Variants in TPD52L1 observed in about 807,000 individuals in gnomAD.
TPD52L1 encodes the protein TPD52 like 1, also known as tumor protein D53.
Under a neutral mutation model 28.7 loss-of-function variants are expected in TPD52L1, and 18 were observed. The observed-to-expected ratio is 0.63, with a 90% CI of 0.43 to 0.93. The LOEUF (loss-of-function observed/expected upper bound fraction) is 0.93. Among genes scored for constraint, TPD52L1 ranks in the 40% least tolerant of loss-of-function variants. The pLI is 0.00. For missense variants in TPD52L1, 203 were observed against 254.8 expected (o/e 0.80, Z 1.39); for synonymous variants, 75 against 88.8 (o/e 0.84, Z 0.88).
intron 1 of TPD52L1, among the ~76,000 whole-genome samples, chr6:125,199,646 T>C (rs888212627): frequency 2.6e-5 from 4 of 151,972 alleles, no homozygotes; most frequent in Non-Finnish European, 5.9e-5. Context: ...GATTGCACCA[T>C]TGCACTCCAG....
intron 1 of TPD52L1, chr6:125,219,709 A>G (rs765172753): frequency 1.3e-4 from 38 of 303,880 alleles, no homozygotes; most frequent in Non-Finnish European, 2.2e-4. Context: ...TTACACAGGA[A>G]TCTCACATTA....
At chr6:125,219,899 A>G (rs1367382999) in intron 1 of TPD52L1, 179 bp from the exon 2 acceptor site, 5 of 651,280 alleles carry the variant, frequency 7.7e-6, no homozygotes, top group Non-Finnish European at 1.4e-5. Context: ...GCTTCTTGGT[A>G]TTCTTTGCTT....
chr6:125,178,000 T>A (rs1182852872), intron 1 of TPD52L1, among the ~76,000 whole-genome samples: 2 of 152,158 alleles, frequency 1.3e-5, no homozygotes, highest in African/African-American at 4.8e-5. Context: ...TACTTACAAA[T>A]TTAGTAACAT....
intron 1 of TPD52L1, among the ~76,000 whole-genome samples, chr6:125,161,950 C>T (rs112419771): frequency 6.6e-6 from 1 of 152,096 alleles, no homozygotes; most frequent in African/African-American, 2.4e-5. Flanking sequence ...CTGTGAGGTA[C>T]AATAAAGTGA....
chr6:125,191,662 C>A (rs1793052744), intron 1 of TPD52L1, among the ~76,000 whole-genome samples: 1 of 152,066 alleles, frequency 6.6e-6, no homozygotes, highest in African/African-American at 2.4e-5. Context: ...AGTGTAAGAC[C>A]AAATGAACTC....
intron 1 of TPD52L1, among the ~76,000 whole-genome samples, chr6:125,191,909 G>A (rs1056214214): frequency 1.3e-5 from 2 of 152,162 alleles, no homozygotes; most frequent in South Asian, 4.1e-4. Context: ...CTGTGTAATA[G>A]CATATGGACT....
At chr6:125,235,839 G>A (rs905850166) in intron 3 of TPD52L1, among the ~76,000 whole-genome samples, 4 of 152,182 alleles carry the variant, frequency 2.6e-5, no homozygotes, top group Non-Finnish European at 2.9e-5. Flanking sequence ...CTAGGAATTC[G>A]AGGCCAGCTT....
chr6:125,245,742 G>A (rs77833419), intron 3 of TPD52L1, among the ~76,000 whole-genome samples: 1,523 of 152,262 alleles, frequency 0.01, 26 homozygotes, highest in African/African-American at 0.035. Context: ...AGTTGGCGAG[G>A]CCAGTCTCAC....
intron 1 of TPD52L1, among the ~76,000 whole-genome samples, chr6:125,174,322 T>C (rs1021752937): frequency 2.0e-5 from 3 of 152,184 alleles, no homozygotes; most frequent in Non-Finnish European, 4.4e-5. Flanking sequence ...AGCAGTTAGG[T>C]GTCAAGTAAC....
chr6:125,171,867 G>T (rs2114779291), intron 1 of TPD52L1, among the ~76,000 whole-genome samples: 1 of 152,288 alleles, frequency 6.6e-6, no homozygotes, highest in East Asian at 1.9e-4. Flanking sequence ...GTGGTCATTT[G>T]TTATGCTGCA....
rs530028578 is a variant in TPD52L1, at chr6:125,248,913, A to G, written c.386+530A>G. ...TGTGAGTATGTTAAATATTTATTGC[A>G]CCTTCATTTTTAATGAATTTATCTC... On this transcript the variant is annotated intron_variant, in intron 4 of 6. Coordinates refer to ENST00000534000, the MANE Select transcript of TPD52L1 (RefSeq NM_003287.4). 1.3e-3 allele frequency among the ~76,000 whole-genome samples: 194 copies of G among 151,882 alleles called. 1 individual carries two copies. Among genetic ancestry groups the G allele is most frequent in the Admixed American group, 6.7e-3 (102 of 15,254 alleles).
rs1297735369 is a variant in TPD52L1, at chr6:125,216,537, A to G, written c.20-3541A>G. On this transcript the variant is annotated intron_variant, in intron 1 of 6. Coordinates refer to ENST00000534000, the MANE Select transcript of TPD52L1 (RefSeq NM_003287.4). Reference sequence around the variant, plus strand: ...AAATTCAGTATGTGTGTGTATATATATATATATATATATATATATATATAT... The same window carrying G: ...AAATTCAGTATGTGTGTGTATATATGTATATATATATATATATATATATAT... Among the ~76,000 whole-genome samples, 65 of 55,714 alleles carry G rather than the reference A, an allele frequency of 1.2e-3. 1 individual carries two copies. The South Asian group carries it at 0.019, about 16-fold the overall frequency. 36.6% of individuals were successfully genotyped at this position (55,714 alleles called of 152,430 possible).
chr6:125,188,269 C>A lies in TPD52L1; in HGVS notation c.20-31809C>A, dbSNP rs142827570. On this transcript the variant is annotated intron_variant, in intron 1 of 6. Coordinates refer to ENST00000534000, the MANE Select transcript of TPD52L1 (RefSeq NM_003287.4). ...AGCTTGTTATCCAAGTGGAAAGGCACATTTTTATCCTTCAGTGGATCTGTC... is the reference window on the plus strand; with the variant it reads ...AGCTTGTTATCCAAGTGGAAAGGCAAATTTTTATCCTTCAGTGGATCTGTC... Among the ~76,000 whole-genome samples the A allele has an allele frequency of 1.7e-3, 259 of 152,264 alleles. 2 individuals carry two copies. Among genetic ancestry groups the A allele is most frequent in the South Asian group, 1.9e-3 (9 of 4,822 alleles).
At chr6:125,196,875 T>A (rs1443999960) in intron 1 of TPD52L1, among the ~76,000 whole-genome samples, 2 of 152,184 alleles carry the variant, frequency 1.3e-5, no homozygotes, top group African/African-American at 4.8e-5. Flanking sequence ...AGCATTGGAA[T>A]TCCTCTCCCA....
intron 1 of TPD52L1, among the ~76,000 whole-genome samples, chr6:125,172,535 T>TATATATATATA (rs1562214406): frequency 3.1e-5 from 3 of 98,150 alleles, no homozygotes; most frequent in African/African-American, 1.3e-4. Context: ...TATATATATA[T>TATATATATATA]ATATATATAT....
intron 1 of TPD52L1, among the ~76,000 whole-genome samples, chr6:125,182,151 G>A (rs1792237994): frequency 6.6e-6 from 1 of 152,164 alleles, no homozygotes; most frequent in South Asian, 2.1e-4. Context: ...ACTGCCTGGG[G>A]CCTTTTAAAA....
chr6:125,220,326 T>C, intron 2 of TPD52L1, 133 bp downstream of exon 2: 1 of 622,772 alleles, frequency 1.6e-6, no homozygotes, highest in Non-Finnish European at 2.8e-6. Flanking sequence ...TATAAATGAA[T>C]ACATTACAAG....
intron 1 of TPD52L1, chr6:125,154,217 C>T (rs1212731636): frequency 8.9e-6 from 12 of 1,344,560 alleles, no homozygotes; most frequent in Non-Finnish European, 9.5e-6. Context: ...GAAATGCGCC[C>T]GTGGAATGCT....
At chr6:125,248,412 C>T (rs180850288) in intron 4 of TPD52L1, 29 bp downstream of exon 4, 221 of 1,571,802 alleles carry the variant, frequency 1.4e-4, no homozygotes, top group Middle Eastern at 8.4e-4. Flanking sequence ...ATGGGAACGG[C>T]GCTAAGCCCT....
Sources: gnomAD v4.1 joint callset for allele counts (sites outside exome capture counted in the v4.1 genomes callset) on GRCh38, gnomAD v4.1.1 for gene constraint, MANE v1.5 for transcripts, NCBI Gene and HGNC (gene_info 2026-07-23, HGNC 2026-07-21) for gene names.